The following GPR137C variants were observed in gnomAD, a reference collection of about 807,000 sequenced individuals.
GPR137C encodes integral membrane protein GPR137C.
In GPR137C, 27 loss-of-function variants were observed where a neutral mutation model predicts 43.4. The ratio of observed to expected loss-of-function variants is 0.62; its 90% CI spans 0.46 to 0.86. GPR137C has a LOEUF of 0.86. Ranked by LOEUF, GPR137C falls within the 40% of genes least tolerant of loss-of-function variation. GPR137C has a pLI of 0.00. For missense variants in GPR137C, 522 were observed against 534.6 expected (o/e 0.98, Z 0.23); for synonymous variants, 285 against 226.9 (o/e 1.26, Z -2.30).
chr14:52,557,773 G>T (rs1357919339), intron 1 of GPR137C, among the ~76,000 whole-genome samples: 1 of 152,142 alleles, frequency 6.6e-6, no homozygotes, highest in Non-Finnish European at 1.5e-5. Flanking sequence ...AAAATTAAAT[G>T]GCTAATATGT....
chr14:52,566,939 C>T (rs1197703928), intron 1 of GPR137C, among the ~76,000 whole-genome samples: 3 of 152,206 alleles, frequency 2.0e-5, no homozygotes, highest in African/African-American at 7.2e-5. Flanking sequence ...TGGTAAAACC[C>T]TGACTCTACT....
intron 1 of GPR137C, among the ~76,000 whole-genome samples, chr14:52,579,266 C>T (rs895708470): frequency 2.6e-5 from 4 of 152,160 alleles, no homozygotes; most frequent in South Asian, 2.1e-4. Context: ...TGGCATTTAA[C>T]TTTCATGCTT....
At chr14:52,626,918 A>G (rs986452292) in intron 3 of GPR137C, among the ~76,000 whole-genome samples, 14 of 152,210 alleles carry the variant, frequency 9.2e-5, no homozygotes, top group Admixed American at 7.2e-4. Context: ...AGCAAGCAAT[A>G]TCTGTATACT....
chr14:52,580,269 A>G (rs1003906235), intron 1 of GPR137C, among the ~76,000 whole-genome samples: 4 of 152,228 alleles, frequency 2.6e-5, no homozygotes, highest in African/African-American at 9.6e-5. Flanking sequence ...ATCAAAATTC[A>G]TTTGATTGTA....
intron 6 of GPR137C, 33 bp downstream of exon 6, chr14:52,633,979 CTA>C (rs2039323568): frequency 8.2e-7 from 1 of 1,226,492 alleles, no homozygotes; most frequent in Non-Finnish European, 1.2e-6. Context: ...GCCTGAATTA[CTA>C]TTGAAATTGA....
chr14:52,581,227 T>C (rs1208563445), intron 1 of GPR137C, among the ~76,000 whole-genome samples: 1 of 145,800 alleles, frequency 6.9e-6, no homozygotes, highest in Non-Finnish European at 1.5e-5. Flanking sequence ...GTTAACCATA[T>C]GATAGACATA....
chr14:52,586,490 T>G (rs1452355309), intron 1 of GPR137C, among the ~76,000 whole-genome samples: 1 of 152,238 alleles, frequency 6.6e-6, no homozygotes, highest in Non-Finnish European at 1.5e-5. Flanking sequence ...TTTTGCAGAA[T>G]TTTAACAACG....
Position 52,558,872 on chromosome 14 carries a change from C to A in GPR137C, c.444+5281C>A, listed in dbSNP as rs532489932. On this transcript the variant is annotated intron_variant, in intron 1 of 6. Transcript: ENST00000321662. ...GAAAAAAAATCACTCGGGATATAGC[C>A]CAGAGAAATAAAAGATGGAAGATAC... 1.3e-4 allele frequency among the ~76,000 whole-genome samples: 20 copies of A among 151,460 alleles called. No individual in the cohort carries two copies. In the South Asian group the frequency reaches 4.2e-3, roughly 32 times the overall value.
chr14:52,584,075 A>G (rs1048827484), intron 1 of GPR137C, among the ~76,000 whole-genome samples: 4 of 151,992 alleles, frequency 2.6e-5, no homozygotes, highest in Non-Finnish European at 5.9e-5. Context: ...TCATCCCTTG[A>G]CTTTTTGCCG....
chr14:52,568,054 G>A (rs1032719673), intron 1 of GPR137C, among the ~76,000 whole-genome samples: 1 of 152,110 alleles, frequency 6.6e-6, no homozygotes, highest in Non-Finnish European at 1.5e-5. Flanking sequence ...GAGATCCCAG[G>A]GAGATCAGCG....
chr14:52,617,951 T>A (rs568137907), intron 3 of GPR137C, among the ~76,000 whole-genome samples: 180 of 152,328 alleles, frequency 1.2e-3, no homozygotes, highest in Non-Finnish European at 2.1e-3. Context: ...AAAAAATTGC[T>A]TATAAATGTT....
intron 1 of GPR137C, among the ~76,000 whole-genome samples, chr14:52,581,290 C>T (rs6572851): frequency 0.5 from 74,690 of 150,126 alleles, 19,277 homozygotes; most frequent in East Asian, 0.7. Context: ...TCCCAGCACA[C>T]TGGGAGGCCG....
intron 1 of GPR137C, among the ~76,000 whole-genome samples, chr14:52,560,640 G>A (rs1030209492): frequency 1.9e-4 from 29 of 152,150 alleles, no homozygotes; most frequent in African/African-American, 7.0e-4. Flanking sequence ...CCCCAAAAGT[G>A]CCAAGGTAAT....
intron 1 of GPR137C, among the ~76,000 whole-genome samples, chr14:52,561,397 C>G (rs1404912952): frequency 6.6e-6 from 1 of 152,144 alleles, no homozygotes; most frequent in East Asian, 1.9e-4. Flanking sequence ...CACTTGAGCC[C>G]AGCAGCTCAA....
chr14:52,628,848 A>C (rs1272323388), intron 3 of GPR137C, among the ~76,000 whole-genome samples: 1 of 152,230 alleles, frequency 6.6e-6, no homozygotes, highest in East Asian at 1.9e-4. Context: ...GAAAATGCAA[A>C]GACAGGCCAC....
chr14:52,563,630 C>G (rs889682262), intron 1 of GPR137C, among the ~76,000 whole-genome samples: 11 of 152,092 alleles, frequency 7.2e-5, no homozygotes, highest in Admixed American at 5.9e-4. Flanking sequence ...GATTACAGAG[C>G]AAGATCCCAA....
intron 4 of GPR137C, 33 bp from the exon 5 acceptor site, chr14:52,633,497 A>T (rs1189348421): frequency 2.5e-6 from 4 of 1,598,614 alleles, no homozygotes; most frequent in Non-Finnish European, 3.4e-6. Context: ...CAATAAACAG[A>T]TGTAAAAATT....
At position 52,619,022 on chromosome 14, in the gene GPR137C, C is replaced by T. The variant is rs532015439; in HGVS notation, c.718-13138C>T. Reference sequence around the variant, plus strand: ...CCCAATCAGCCATTTGCAAATAATACATTTTCTCACTCCCTCCTGTATTTC... The same window carrying T: ...CCCAATCAGCCATTTGCAAATAATATATTTTCTCACTCCCTCCTGTATTTC... On this transcript the variant is annotated intron_variant, in intron 3 of 6. Coordinates refer to ENST00000321662, the MANE Select transcript of GPR137C (RefSeq NM_001099652.2). 1.6e-4 allele frequency among the ~76,000 whole-genome samples: 25 copies of T among 152,286 alleles called. 1 individual carries two copies. In the South Asian group the frequency reaches 5.2e-3, roughly 32 times the overall value.
chr14:52,600,803 G>A (rs1000407781), intron 3 of GPR137C, among the ~76,000 whole-genome samples: 13 of 152,092 alleles, frequency 8.5e-5, no homozygotes, highest in Non-Finnish European at 1.9e-4. Flanking sequence ...TATATGAATG[G>A]ATCAAAAATA....
Sources: gnomAD v4.1 joint callset for allele counts (sites outside exome capture counted in the v4.1 genomes callset) on GRCh38, gnomAD v4.1.1 for gene constraint, MANE v1.5 for transcripts, NCBI Gene and HGNC (gene_info 2026-07-23, HGNC 2026-07-21) for gene names.